Variants in SYT1 observed in about 807,000 individuals in gnomAD.
The protein encoded by SYT1 is synaptotagmin-1.
A neutral mutation model predicts 44.8 loss-of-function variants in SYT1; 8 were observed. The observed-to-expected ratio is 0.18, with a 90% CI of 0.10 to 0.32. SYT1 has a LOEUF of 0.32. Among genes scored for constraint, SYT1 ranks in the 10% least tolerant of loss-of-function variants. The pLI, the probability that SYT1 is intolerant of heterozygous loss-of-function variation, is 1.00. For synonymous variants in SYT1, 154 were observed against 188.8 expected, an observed-to-expected ratio of 0.82 and a Z score of 1.51; for missense variants, 286 against 509.3, an observed-to-expected ratio of 0.56 and a Z score of 4.22.
chr12:78,945,842 C>T (rs1878629078), intron 1 of SYT1, among the ~76,000 whole-genome samples: 1 of 152,118 alleles, frequency 6.6e-6, no homozygotes, highest in Non-Finnish European at 1.5e-5. Context: ...TCACACATAT[C>T]CTACCTATAA....
intron 1 of SYT1, among the ~76,000 whole-genome samples, chr12:78,927,843 A>G (rs956618222): frequency 4.6e-5 from 7 of 152,134 alleles, no homozygotes; most frequent in Admixed American, 4.6e-4. Context: ...CTATAGCATA[A>G]TACTAAATAC....
chr12:78,994,801 C>T (rs1222314770), intron 2 of SYT1, among the ~76,000 whole-genome samples: 1 of 152,154 alleles, frequency 6.6e-6, no homozygotes, highest in Non-Finnish European at 1.5e-5. Context: ...TCCCAAAGTG[C>T]TGGGATTACA....
chr12:79,361,446 G>A (rs1883312256), intron 9 of SYT1, among the ~76,000 whole-genome samples: 1 of 152,142 alleles, frequency 6.6e-6, no homozygotes, highest in Admixed American at 6.6e-5. Context: ...TGGAGAACAG[G>A]TGGATAACTA....
chr12:79,167,119 T>G (rs1871263938), intron 3 of SYT1, among the ~76,000 whole-genome samples: 1 of 152,020 alleles, frequency 6.6e-6, no homozygotes, highest in African/African-American at 2.4e-5. Flanking sequence ...GAAAAATCTA[T>G]GTAGAAAGGA....
chr12:78,936,732 G>A (rs1485662643), intron 1 of SYT1, among the ~76,000 whole-genome samples: 15 of 152,142 alleles, frequency 9.9e-5, no homozygotes, highest in Admixed American at 2.0e-4. Flanking sequence ...AGGAAAGGAA[G>A]GCCAGAATTC....
At chr12:79,053,274 G>A (rs572494217) in intron 3 of SYT1, among the ~76,000 whole-genome samples, 21 of 152,044 alleles carry the variant, frequency 1.4e-4, no homozygotes, top group Non-Finnish European at 2.1e-4. Flanking sequence ...ACCAAATACC[G>A]CATGTTCTCA....
intron 3 of SYT1, among the ~76,000 whole-genome samples, chr12:79,062,516 G>C (rs1211460096): frequency 6.6e-6 from 1 of 151,982 alleles, no homozygotes; most frequent in Non-Finnish European, 1.5e-5. Flanking sequence ...GCCATAAAAG[G>C]GTTGTGTTTT....
At chr12:78,930,129 G>A (rs187234167) in intron 1 of SYT1, among the ~76,000 whole-genome samples, 159 of 152,194 alleles carry the variant, frequency 1.0e-3, no homozygotes, top group African/African-American at 2.7e-3. Flanking sequence ...TAATAATAAT[G>A]TACTATATAT....
At chr12:79,144,930 A>G (rs1165718071) in intron 3 of SYT1, among the ~76,000 whole-genome samples, 1 of 152,218 alleles carries the variant, frequency 6.6e-6, no homozygotes, top group Non-Finnish European at 1.5e-5. Context: ...TCAGTAACGA[A>G]GAGTTTCAGA....
At chr12:79,179,519 CTA>C (rs1565842471) in intron 3 of SYT1, among the ~76,000 whole-genome samples, 6 of 59,228 alleles carry the variant, frequency 1.0e-4, no homozygotes, top group Non-Finnish European at 1.5e-4. Flanking sequence ...ATAGATATAT[CTA>C]TATAGATATA....
intron 1 of SYT1, among the ~76,000 whole-genome samples, chr12:78,876,790 C>A (rs1249366396): frequency 3.2e-5 from 1 of 30,996 alleles, no homozygotes; most frequent in African/African-American, 1.5e-4. Flanking sequence ...TTATATAATA[C>A]ATATAATATA....
chr12:79,365,451 T>C (rs1883501416), intron 9 of SYT1, among the ~76,000 whole-genome samples: 1 of 152,024 alleles, frequency 6.6e-6, no homozygotes, highest in Non-Finnish European at 1.5e-5. Context: ...TGCTCTTGGA[T>C]AGGGAACAAT....
At chr12:79,073,855 C>T (rs959979504) in intron 3 of SYT1, among the ~76,000 whole-genome samples, 1 of 152,148 alleles carries the variant, frequency 6.6e-6, no homozygotes, top group Non-Finnish European at 1.5e-5. Context: ...ACCTATCTGT[C>T]TTCATATATA....
chr12:79,204,664 G>T (rs1873991754), intron 3 of SYT1, among the ~76,000 whole-genome samples: 2 of 152,006 alleles, frequency 1.3e-5, no homozygotes, highest in Non-Finnish European at 2.9e-5. Flanking sequence ...ACTAAAAAAA[G>T]CTATGTCAAA....
intron 3 of SYT1, among the ~76,000 whole-genome samples, chr12:79,094,478 A>G (rs974299710): frequency 6.6e-6 from 1 of 151,894 alleles, no homozygotes; most frequent in African/African-American, 2.4e-5. Context: ...TGCACCATAC[A>G]TGCACACATG....
intron 9 of SYT1, among the ~76,000 whole-genome samples, chr12:79,365,584 G>C (rs11113980): frequency 6.6e-6 from 1 of 151,920 alleles, no homozygotes; most frequent in Non-Finnish European, 1.5e-5. Flanking sequence ...GTAATACAAA[G>C]AGTTTCTACA....
chr12:78,876,462 T>C (rs1364950384), intron 1 of SYT1, among the ~76,000 whole-genome samples: 7 of 42,506 alleles, frequency 1.6e-4, no homozygotes, highest in Non-Finnish European at 3.9e-4. Flanking sequence ...AAAATGGAGG[T>C]GTTTTTTTTT....
At chr12:79,282,660 A>G (rs1879110595) in intron 4 of SYT1, among the ~76,000 whole-genome samples, 3 of 151,960 alleles carry the variant, frequency 2.0e-5, no homozygotes, top group Admixed American at 2.0e-4. Flanking sequence ...AATATGTTCT[A>G]TTAAAGAGAC....
intron 3 of SYT1, among the ~76,000 whole-genome samples, chr12:79,060,500 G>C (rs1217911859): frequency 6.6e-6 from 1 of 151,654 alleles, no homozygotes; most frequent in African/African-American, 2.4e-5. Context: ...TGCAGCCCCT[G>C]GCCATCACTA....
Sources: gnomAD v4.1 joint callset for allele counts (sites outside exome capture counted in the v4.1 genomes callset) on GRCh38, gnomAD v4.1.1 for gene constraint, MANE v1.5 for transcripts, NCBI Gene and HGNC (gene_info 2026-07-23, HGNC 2026-07-21) for gene names.